Variants in PFKP observed in about 807,000 individuals in gnomAD.
PFKP encodes ATP-dependent 6-phosphofructokinase, platelet type.
Under a neutral mutation model 94.3 loss-of-function variants are expected in PFKP, and 101 were observed. That is an observed-to-expected ratio of 1.07 (90% CI 0.91 to 1.26). The LOEUF (loss-of-function observed/expected upper bound fraction) is 1.26. PFKP is among the 50% of genes most tolerant of loss of function. The pLI is 0.00. For missense variants in PFKP, 1,145 were observed against 1,103.3 expected (o/e 1.04, Z -0.53); for synonymous variants, 573 against 432.6 (o/e 1.32, Z -4.03).
intron 2 of PFKP, among the ~76,000 whole-genome samples, chr10:3,090,698 AC>A (rs1203549390): frequency 6.6e-6 from 1 of 151,794 alleles, no homozygotes; most frequent in African/African-American, 2.4e-5. Flanking sequence ...GTGTCCACCT[AC>A]CCCATAGTCA....
At chr10:3,069,079 G>T (rs908009309) in intron 1 of PFKP, among the ~76,000 whole-genome samples, 1 of 151,182 alleles carries the variant, frequency 6.6e-6, no homozygotes, top group Non-Finnish European at 1.5e-5. Context: ...GTCTCCACGA[G>T]CCCCGGCCCC....
intron 3 of PFKP, chr10:3,100,907 G>C: frequency 6.7e-7 from 1 of 1,500,818 alleles, no homozygotes; most frequent in Non-Finnish European, 9.2e-7. Context: ...GGTTCCTGCT[G>C]GTTTTACTTG....
At chr10:3,109,255 G>A (rs2131584809) in intron 9 of PFKP, 100 bp from the exon 10 acceptor site, 3 of 1,496,520 alleles carry the variant, frequency 2.0e-6, no homozygotes, top group Non-Finnish European at 2.8e-6. Context: ...GGGGCTGTGA[G>A]CACCTGACTG....
chr10:3,094,110 A>T (rs1043924118), intron 2 of PFKP, among the ~76,000 whole-genome samples: 1 of 151,958 alleles, frequency 6.6e-6, no homozygotes, highest in Non-Finnish European at 1.5e-5. Context: ...TCCCTTCACC[A>T]CCACCTCCCC....
intron 1 of PFKP, among the ~76,000 whole-genome samples, chr10:3,068,943 C>T (rs1252100051): frequency 6.6e-6 from 1 of 152,178 alleles, no homozygotes; most frequent in Admixed American, 6.5e-5. Context: ...GATGCACCCC[C>T]TGCCCACTGC....
intron 4 of PFKP, among the ~76,000 whole-genome samples, chr10:3,102,250 C>CAGAAAAAAAAA (rs1835089417): frequency 1.8e-5 from 1 of 54,776 alleles, no homozygotes; most frequent in Non-Finnish European, 3.4e-5. Flanking sequence ...GACTCTGTCT[C>CAGAAAAAAAAA]AAAAAAAAAA....
At position 3,078,469 on chromosome 10, in the gene PFKP, T is replaced by A. The variant is rs1832775910; in HGVS notation, c.113-3919T>A. ...CTTGCAGTCCTCACTGTTCAGAAGTTCAGAGGGAGGGCTTAGAACTAAACA... is the reference window on the plus strand; with the variant it reads ...CTTGCAGTCCTCACTGTTCAGAAGTACAGAGGGAGGGCTTAGAACTAAACA... On this transcript the variant is annotated intron_variant, in intron 1 of 21. Coordinates refer to ENST00000381125, the MANE Select transcript of PFKP (RefSeq NM_002627.5). 3.3e-5 allele frequency among the ~76,000 whole-genome samples: 5 copies of A among 152,276 alleles called. No individual in the cohort carries two copies. The South Asian group carries it at 1.0e-3, about 32-fold the overall frequency.
intron 2 of PFKP, among the ~76,000 whole-genome samples, chr10:3,094,361 G>T (rs1203389631): frequency 2.6e-5 from 4 of 152,244 alleles, no homozygotes; most frequent in African/African-American, 9.6e-5. Flanking sequence ...AGAAGCAAGT[G>T]CAGGACCACA....
intron 2 of PFKP, among the ~76,000 whole-genome samples, chr10:3,090,039 C>T (rs1352703261): frequency 2.6e-5 from 4 of 152,162 alleles, no homozygotes; most frequent in Non-Finnish European, 4.4e-5. Flanking sequence ...TAATTTCTGC[C>T]TGTTCCATCC....
At chr10:3,136,354 T>A in intron 21 of PFKP, 96 bp from the exon 22 acceptor site, 1 of 1,297,722 alleles carries the variant, frequency 7.7e-7, no homozygotes, top group Non-Finnish European at 1.1e-6. Context: ...CTACAAACCC[T>A]GTGTTTCTGG....
chr10:3,129,756 C>T, intron 16 of PFKP, 63 bp from the exon 17 acceptor site: 2 of 1,574,274 alleles, frequency 1.3e-6, no homozygotes, highest in African/African-American at 1.3e-5. Context: ...CTTGGGGGAG[C>T]TCTGGGATGG....
Position 3,095,905 on chromosome 10 carries a change from C to A in PFKP, c.187-3370C>A, listed in dbSNP as rs537055979. 2.0e-5 allele frequency among the ~76,000 whole-genome samples: 3 copies of A among 152,296 alleles called. No homozygotes were observed. In the South Asian group the frequency reaches 6.2e-4, roughly 32 times the overall value. On this transcript the variant is annotated intron_variant, in intron 2 of 21. Coordinates refer to ENST00000381125, the MANE Select transcript of PFKP (RefSeq NM_002627.5). ...TTCCTAGCAACTTAGCTCACGCATG[C>A]ACTAGACAGGGAGCATTGGAGGTGG...
chr10:3,126,634 C>T (rs17132578), intron 16 of PFKP, among the ~76,000 whole-genome samples: 3 of 152,194 alleles, frequency 2.0e-5, no homozygotes, highest in African/African-American at 7.2e-5. Context: ...CATGGGAAAA[C>T]TGGCCTCCCT....
chr10:3,068,440 G>A (rs1254699644), intron 1 of PFKP, among the ~76,000 whole-genome samples: 1 of 152,172 alleles, frequency 6.6e-6, no homozygotes, highest in East Asian at 1.9e-4. Flanking sequence ...TGACAAAAAC[G>A]AAAACCAAAA....
chr10:3,130,114 C>G (rs1838409051), intron 17 of PFKP, 131 bp downstream of exon 17: 1 of 778,992 alleles, frequency 1.3e-6, no homozygotes, highest in South Asian at 1.9e-5. Context: ...ACATGCCACG[C>G]TTGATACACT....
Position 3,135,756 on chromosome 10 carries a change from G to C in PFKP, c.2143G>C (p.Asp715His). Residue 715 changes from aspartate (D) to histidine (H), a missense_variant, in exon 21 of 22, where the codon GAT becomes CAT. Asp to His is a moderately conservative substitution (Grantham distance 81). This residue lies in a region of PFKP where 1,119 missense variants were observed against 1,062.8 expected (regional missense o/e 1.05). Transcript: ENST00000381125. The part of the protein sequence containing the change: ...RGRGKKFTTD[D>H]SICVLGISKR... ...TATAGGAAAAAAATTTACCACCGAT[G>C]ATTCCATTTGTGTGCTGGGAATAAG... The C allele has an allele frequency of 6.2e-7, 1 of 1,611,718 alleles. No individual in the cohort carries two copies. Among genetic ancestry groups the C allele is most frequent in the South Asian group, 1.1e-5 (1 of 90,816 alleles).
intron 2 of PFKP, among the ~76,000 whole-genome samples, chr10:3,098,690 A>AAAAAAAAAG (rs1834705971): frequency 7.0e-6 from 1 of 142,146 alleles, no homozygotes. Context: ...AAAAAAAAAA[A>AAAAAAAAAG]GGTAATTGTC....
intron 18 of PFKP, among the ~76,000 whole-genome samples, 176 bp from the exon 19 acceptor site, chr10:3,133,027 A>G (rs1231276902): frequency 6.6e-6 from 1 of 152,228 alleles, no homozygotes; most frequent in Non-Finnish European, 1.5e-5. Flanking sequence ...TGACCACTGG[A>G]CCATGGGTAA....
intron 2 of PFKP, among the ~76,000 whole-genome samples, chr10:3,098,497 A>T (rs907600370): frequency 6.6e-6 from 1 of 151,874 alleles, no homozygotes. Context: ...AACAAGGTGA[A>T]GCCCCGTCTC....
Sources: allele counts gnomAD v4.1 joint callset (sites outside exome capture counted in the v4.1 genomes callset), GRCh38; gene constraint gnomAD v4.1.1; regional missense constraint gnomAD v4.1.1; transcripts MANE v1.5; gene names NCBI Gene and HGNC (gene_info 2026-07-23, HGNC 2026-07-21).